SLC19A1: variants seen among roughly 807,000 people sequenced by gnomAD.
SLC19A1 encodes the protein solute carrier family 19 member 1.
SLC19A1 carries 37 observed loss-of-function variants against 35.3 expected under a neutral mutation model. That is an observed-to-expected ratio of 1.05 (90% CI 0.81 to 1.38). The LOEUF (loss-of-function observed/expected upper bound fraction) is 1.38, where lower values mean the gene tolerates loss of function less well. Among genes scored for constraint, SLC19A1 ranks in the 40% most tolerant of loss-of-function variants. The pLI is 0.00. For synonymous variants in SLC19A1, 460 were observed against 398.5 expected (o/e 1.15, Z -1.84); for missense variants, 831 against 826.9 (o/e 1.00, Z -0.06).
chr21:45,505,355 C>T (rs777127894), intron 3 of SLC19A1: 2 of 1,592,622 alleles, frequency 1.3e-6, no homozygotes, highest in South Asian at 2.2e-5. Context: ...TTCTCTCCTG[C>T]AGCTATCAGC....
chr21:45,522,643 C>T (rs1196858827), intron 5 of SLC19A1, among the ~76,000 whole-genome samples: 2 of 152,210 alleles, frequency 1.3e-5, no homozygotes, highest in Non-Finnish European at 2.9e-5. Flanking sequence ...TGGAACAGCA[C>T]TCAGCAGCAA....
intron 1 of SLC19A1, among the ~76,000 whole-genome samples, chr21:45,539,700 A>T (rs956730011): frequency 6.6e-6 from 1 of 152,206 alleles, no homozygotes; most frequent in Non-Finnish European, 1.5e-5. Flanking sequence ...TCCCCAGGCC[A>T]CTTAGGCAAA....
chr21:45,510,881 C>T (rs35220265), downstream of SLC19A1, among the ~76,000 whole-genome samples: 37,391 of 151,196 alleles, frequency 0.25, 4,796 homozygotes, highest in East Asian at 0.37. Context: ...CTGGCTCCCC[C>T]ACGCTTGTTC....
At position 45,525,973 on chromosome 21, in the gene SLC19A1, C is replaced by A; in HGVS notation, c.1152-15G>T. On this transcript the variant is annotated splice_polypyrimidine_tract_variant and intron_variant, in intron 4 of 5. Coordinates refer to ENST00000311124, the MANE Select transcript of SLC19A1 (RefSeq NM_194255.4). The stretch of plus-strand genomic sequence containing the variant: ...CAATCTGAAAGCTGAACGGGAAGAG[C>A]GGGCAGATCAGGCGCTGCTGGGAGA... The A allele has an allele frequency of 1.2e-6, 2 of 1,611,464 alleles. No individual in the cohort carries two copies. Among genetic ancestry groups the A allele is most frequent in the Non-Finnish European group, 8.5e-7 (1 of 1,178,936 alleles).
chr21:45,524,967 G>A (rs921551074), intron 5 of SLC19A1, among the ~76,000 whole-genome samples: 1 of 152,204 alleles, frequency 6.6e-6, no homozygotes, highest in Non-Finnish European at 1.5e-5. Context: ...GCCTGCCAGC[G>A]TGGACAGGCC....
At chr21:45,539,440 GGCAGGGGGTCT>G (rs1310490441) in intron 1 of SLC19A1, among the ~76,000 whole-genome samples, 3 of 152,372 alleles carry the variant, frequency 2.0e-5, no homozygotes, top group Non-Finnish European at 4.4e-5. Context: ...TTGGGAGGGT[GGCAGGGGGTCT>G]GCAGAGGGTC....
chr21:45,531,975 G>A lies in SLC19A1; in HGVS notation c.363C>T (p.Leu121=). ...TGGTGACGCTGTAGAAGAGCTCCAT[G>A]AGCTGCATGTGCGCCACCGAGTGGC... The part of the protein sequence containing the change: ...LLGHSVAHMQ[L]MELFYSVTMA... Residue 121 remains leucine (L), a synonymous_variant, in exon 3 of 6, where the codon CTC becomes CTT. Coordinates refer to ENST00000311124, the MANE Select transcript of SLC19A1 (RefSeq NM_194255.4). 6.2e-7 allele frequency: 1 copy of A among 1,609,730 alleles called. No individual in the cohort carries two copies. The highest frequency in any genetic ancestry group is 8.5e-7 in the Non-Finnish European group (1 of 1,179,354).
intron 5 of SLC19A1, among the ~76,000 whole-genome samples, chr21:45,525,324 C>T (rs2077571244): frequency 6.6e-6 from 1 of 152,278 alleles, no homozygotes; most frequent in Non-Finnish European, 1.5e-5. Flanking sequence ...CCGGCCTTGG[C>T]TGGGACCCTC....
intron 1 of SLC19A1, among the ~76,000 whole-genome samples, chr21:45,562,714 G>A (rs1211785943): frequency 2.0e-5 from 3 of 152,176 alleles, no homozygotes; most frequent in South Asian, 2.1e-4. Context: ...ACAGGACGGA[G>A]TCCCAGACAG....
intron 3 of SLC19A1, chr21:45,505,330 T>C (rs764076826): frequency 2.4e-5 from 39 of 1,595,602 alleles, no homozygotes; most frequent in Admixed American, 1.0e-4. Context: ...TGTGGCTTCG[T>C]GTTCCCACCT....
downstream of SLC19A1, chr21:45,512,268 A>T (rs1232275738): frequency 2.5e-6 from 4 of 1,611,586 alleles, no homozygotes; most frequent in African/African-American, 1.3e-5. Flanking sequence ...TGGCGGACGG[A>T]GGCTCCCTCG....
intron 3 of SLC19A1, chr21:45,504,505 CCCCCCCGG>C (rs775819509): frequency 4.4e-5 from 61 of 1,390,264 alleles, no homozygotes; most frequent in Non-Finnish European, 5.4e-5. Flanking sequence ...GCCTGCCCGG[CCCCCCCGG>C]CCCCCCAGGC....
chr21:45,530,805 G>C lies in SLC19A1; in HGVS notation c.1116C>G (p.Phe372Leu), dbSNP rs980434503. The C allele has an allele frequency of 8.3e-6, 13 of 1,566,688 alleles. No homozygotes were observed. Among genetic ancestry groups the C allele is most frequent in the Non-Finnish European group, 1.1e-5 (13 of 1,156,678 alleles). ...IWLCYAAFVL[F>L]RGSYQFLVPI... Reference sequence around the variant, plus strand: ...GCACGAGGAACTGGTAGGAGCCGCGGAACAGCACGAAGGCCGCATAGCACA... The same window carrying C: ...GCACGAGGAACTGGTAGGAGCCGCGCAACAGCACGAAGGCCGCATAGCACA... The change falls in exon 4 of 6, where the codon TTC becomes TTG. Residue 372 changes from phenylalanine to leucine, a missense_variant. By Grantham distance (22) the Phe-to-Leu change is conservative. Coordinates refer to ENST00000311124, the MANE Select transcript of SLC19A1 (RefSeq NM_194255.4). The surrounding 1 kb of genome is among the most constrained non-coding windows in gnomAD (Gnocchi z 5.3).
At chr21:45,546,908 C>G (rs62214303), upstream of SLC19A1, among the ~76,000 whole-genome samples, 1 of 152,104 alleles carries the variant, frequency 6.6e-6, no homozygotes, top group Non-Finnish European at 1.5e-5. Context: ...GAAACCTAAG[C>G]GTGACATTAG....
downstream of SLC19A1, among the ~76,000 whole-genome samples, chr21:45,512,024 C>G (rs1485443827): frequency 6.6e-6 from 1 of 152,192 alleles, no homozygotes; most frequent in African/African-American, 2.4e-5. Context: ...CCTCCACAGG[C>G]AGCCAGCAGG....
At chr21:45,541,541 A>T (rs1481383947) in intron 1 of SLC19A1, among the ~76,000 whole-genome samples, 2 of 152,190 alleles carry the variant, frequency 1.3e-5, no homozygotes, top group Non-Finnish European at 2.9e-5. Flanking sequence ...CCAGGACAGG[A>T]GTTTCCGATG....
At chr21:45,510,241 G>A (rs77326997), downstream of SLC19A1, 1,997 of 1,605,796 alleles carry the variant, frequency 1.2e-3, 14 homozygotes, top group African/African-American at 0.022. Context: ...CCGCGCAGCC[G>A]TGCCCATCGT....
chr21:45,525,909 C>T lies in SLC19A1; in HGVS notation c.1201G>A (p.Gly401Arg), dbSNP rs750689365. The change falls in exon 5 of 6, where the codon GGG (glycine) becomes AGG (arginine). Residue 401 changes from glycine (G) to arginine (R), a missense_variant. Transcript: ENST00000311124. ...LSKELCALVF[G>R]VNTFFATIVK... is the part of the protein sequence containing the mutation. ...ATGGTGGCAAAGAACGTGTTGACCC[C>T]GAAGACCAGGGCACAGAGCTCTTTA... 11 of 1,613,662 alleles carry T rather than the reference C, an allele frequency of 6.8e-6. No homozygotes were observed. The highest frequency in any genetic ancestry group is 2.2e-5 in the South Asian group (2 of 91,080).
intron 1 of SLC19A1, among the ~76,000 whole-genome samples, chr21:45,555,987 C>T (rs1187407275): frequency 6.6e-6 from 1 of 152,210 alleles, no homozygotes; most frequent in African/African-American, 2.4e-5. Flanking sequence ...GACAGACGAT[C>T]CTCTGAGGTT....
Sources: gnomAD v4.1 joint callset for allele counts (sites outside exome capture counted in the v4.1 genomes callset) on GRCh38, gnomAD v4.1.1 for gene constraint, Gnocchi (gnomAD v3.1) non-coding constraint, MANE v1.5 for transcripts, NCBI Gene and HGNC (gene_info 2026-07-23, HGNC 2026-07-21) for gene names.